WWOX: variants seen among roughly 807,000 people sequenced by gnomAD.
WWOX encodes WW domain containing oxidoreductase.
In WWOX, 69 loss-of-function variants were observed where a neutral mutation model predicts 46.2. That is an observed-to-expected ratio of 1.49 (90% CI 1.23 to 1.82). The LOEUF (loss-of-function observed/expected upper bound fraction) is 1.82, where lower values mean the gene tolerates loss of function less well. Among genes scored for constraint, WWOX ranks in the 40% most tolerant of loss-of-function variants. WWOX has a pLI of 0.00. For missense variants in WWOX, 919 were observed against 542.6 expected, an observed-to-expected ratio of 1.69 and a Z score of -6.89; for synonymous variants, 359 against 202.6, an observed-to-expected ratio of 1.77 and a Z score of -6.56.
Position 79,160,647 on chromosome 16 carries a change from C to T in WWOX, c.1057-50961C>T, listed in dbSNP as rs572958121. Among the ~76,000 whole-genome samples the T allele has an allele frequency of 2.4e-4, 37 of 152,244 alleles. 1 individual carries two copies. Among genetic ancestry groups the T allele is most frequent in the Non-Finnish European group, 4.7e-4 (32 of 68,008 alleles). On this transcript the variant is annotated intron_variant, in intron 8 of 8. Coordinates refer to ENST00000566780, the MANE Select transcript of WWOX (RefSeq NM_016373.4). ...AAGAGGTATGGGTCAAGCAGATCTG[C>T]AGCCCACACTCGGCTCACTGATCAC... is the stretch of plus-strand genomic sequence containing the variant.
intron 8 of WWOX, among the ~76,000 whole-genome samples, chr16:78,550,395 GC>G (rs1447368198): frequency 1.3e-5 from 2 of 152,068 alleles, no homozygotes; most frequent in African/African-American, 4.8e-5. Context: ...TAATCTATAA[GC>G]CAATGGGCAT....
intron 5 of WWOX, among the ~76,000 whole-genome samples, chr16:78,371,926 T>A (rs1049475677): frequency 4.6e-5 from 7 of 152,246 alleles, no homozygotes; most frequent in African/African-American, 1.7e-4. Flanking sequence ...TGGTAATTTA[T>A]TTCCAGCTTA....
chr16:78,291,740 G>A (rs969738700), intron 5 of WWOX, among the ~76,000 whole-genome samples: 7 of 152,106 alleles, frequency 4.6e-5, no homozygotes, highest in Non-Finnish European at 2.9e-5. Flanking sequence ...AGCAAAATTA[G>A]CACTTTATCA....
At chr16:78,113,881 T>G (rs756743021) in intron 3 of WWOX, among the ~76,000 whole-genome samples, 1 of 152,150 alleles carries the variant, frequency 6.6e-6, no homozygotes, top group Non-Finnish European at 1.5e-5. Context: ...TTATTACTCT[T>G]GAGTCTTGGT....
At chr16:78,669,275 C>T (rs1162434034) in intron 8 of WWOX, among the ~76,000 whole-genome samples, 1 of 152,238 alleles carries the variant, frequency 6.6e-6, no homozygotes, top group Admixed American at 6.5e-5. Context: ...TGTCCCATGG[C>T]AGTGCCTAAG....
At chr16:79,177,666 C>T (rs1020501062) in intron 8 of WWOX, among the ~76,000 whole-genome samples, 1 of 152,166 alleles carries the variant, frequency 6.6e-6, no homozygotes, top group African/African-American at 2.4e-5. Context: ...GTGTTCAGTT[C>T]TGGCTCATGC....
chr16:79,053,371 G>T (rs560677887), intron 8 of WWOX, among the ~76,000 whole-genome samples: 1 of 152,088 alleles, frequency 6.6e-6, no homozygotes, highest in African/African-American at 2.4e-5. Flanking sequence ...TTCTTAGTGC[G>T]CACGTAAAGA....
chr16:78,931,840 G>A (rs540423867), intron 8 of WWOX, among the ~76,000 whole-genome samples: 15 of 152,268 alleles, frequency 9.9e-5, no homozygotes, highest in East Asian at 3.9e-4. Context: ...TAATCCCCAC[G>A]CCACATGGGA....
At chr16:78,891,637 G>T (rs1382904082) in intron 8 of WWOX, 1 of 152,130 alleles carries the variant, frequency 6.6e-6, no homozygotes, top group African/African-American at 2.4e-5. Context: ...TTTTCAAGGT[G>T]GCATAAAATA....
intron 5 of WWOX, among the ~76,000 whole-genome samples, chr16:78,237,128 T>C (rs1250147014): frequency 1.3e-5 from 2 of 149,864 alleles, no homozygotes; most frequent in Non-Finnish European, 3.0e-5. Context: ...TTGAGCTCCA[T>C]GGTAAATGTT....
intron 8 of WWOX, among the ~76,000 whole-genome samples, chr16:78,978,919 G>C (rs931182294): frequency 2.6e-5 from 4 of 152,016 alleles, no homozygotes; most frequent in Non-Finnish European, 4.4e-5. Flanking sequence ...ACCAGCGCTT[G>C]TTATTTCTTC....
At chr16:78,588,156 G>C (rs1264945467) in intron 8 of WWOX, among the ~76,000 whole-genome samples, 1 of 152,272 alleles carries the variant, frequency 6.6e-6, no homozygotes, top group East Asian at 1.9e-4. Flanking sequence ...CAAGCTAATT[G>C]GATAAATGGT....
At chr16:78,358,391 C>T (rs1190497162) in intron 5 of WWOX, among the ~76,000 whole-genome samples, 44 of 152,174 alleles carry the variant, frequency 2.9e-4, no homozygotes. Flanking sequence ...AGTGCAGTGG[C>T]TTACACCTGT....
chr16:78,997,462 C>G (rs1482332371), intron 8 of WWOX, among the ~76,000 whole-genome samples: 1 of 152,068 alleles, frequency 6.6e-6, no homozygotes, highest in African/African-American at 2.4e-5. Flanking sequence ...TGGGCCTGAC[C>G]TCCCTTTTCT....
intron 8 of WWOX, among the ~76,000 whole-genome samples, chr16:78,633,297 A>G (rs931555067): frequency 6.6e-5 from 10 of 152,116 alleles, no homozygotes; most frequent in Non-Finnish European, 1.5e-5. Context: ...GAAGTTAAGG[A>G]TTGCAGAGCA....
chr16:78,849,310 C>T (rs1055951080), intron 8 of WWOX, among the ~76,000 whole-genome samples: 1 of 152,104 alleles, frequency 6.6e-6, no homozygotes, highest in Non-Finnish European at 1.5e-5. Context: ...GTGGCTCATG[C>T]CTGTAATCCC....
At chr16:78,360,551 A>G (rs961203633) in intron 5 of WWOX, among the ~76,000 whole-genome samples, 22 of 132,262 alleles carry the variant, frequency 1.7e-4, no homozygotes, top group Admixed American at 4.2e-4. Flanking sequence ...GTGCCACTGC[A>G]CTCCAGTCTG....
chr16:78,493,167 ATGTC>A, intron 8 of WWOX, among the ~76,000 whole-genome samples: 1 of 152,120 alleles, frequency 6.6e-6, no homozygotes, highest in Non-Finnish European at 1.5e-5. Context: ...GAAAAACTTC[ATGTC>A]AGTTACTTAA....
At chr16:78,941,192 C>G (rs889924891) in intron 8 of WWOX, among the ~76,000 whole-genome samples, 4 of 152,096 alleles carry the variant, frequency 2.6e-5, no homozygotes, top group African/African-American at 9.7e-5. Context: ...ATCCCAGTTG[C>G]AAAGGATAAA....
Sources: gnomAD v4.1 joint callset for allele counts (sites outside exome capture counted in the v4.1 genomes callset) on GRCh38, gnomAD v4.1.1 for gene constraint, MANE v1.5 for transcripts, NCBI Gene and HGNC (gene_info 2026-07-23, HGNC 2026-07-21) for gene names.